The following NBEA variants were observed in gnomAD, a reference collection of about 807,000 sequenced individuals.
NBEA encodes lysosomal-trafficking regulator 2.
In NBEA, 44 loss-of-function variants were observed where a neutral mutation model predicts 343.4. That is an observed-to-expected ratio of 0.13 (90% CI 0.10 to 0.16). The LOEUF is 0.16. Ranked by LOEUF, NBEA falls within the 10% of genes least tolerant of loss-of-function variation. NBEA has a pLI of 1.00. For synonymous variants in NBEA, 1,175 were observed against 1,238.7 expected (o/e 0.95, Z 1.08); for missense variants, 2,555 against 3,631.3 (o/e 0.70, Z 7.62).
At chr13:35,160,361 A>G (rs918303112) in intron 22 of NBEA, among the ~76,000 whole-genome samples, 19 of 152,198 alleles carry the variant, frequency 1.2e-4, no homozygotes, top group African/African-American at 4.1e-4. Context: ...CTGTGACTAC[A>G]TTTACACATT....
At chr13:35,571,366 A>ATTC (rs1323070316) in intron 45 of NBEA, among the ~76,000 whole-genome samples, 1 of 152,210 alleles carries the variant, frequency 6.6e-6, no homozygotes, top group African/African-American at 2.4e-5. Context: ...ATTGGGAGAA[A>ATTC]AAGTCAAGAG....
At chr13:35,457,473 G>A (rs187842741) in intron 40 of NBEA, among the ~76,000 whole-genome samples, 11 of 152,132 alleles carry the variant, frequency 7.2e-5, no homozygotes, top group South Asian at 2.1e-4. Context: ...CTGGACAACC[G>A]CTAATCTACT....
At chr13:35,010,741 AATATATATATATATATAT>A (rs869140392) in intron 1 of NBEA, among the ~76,000 whole-genome samples, 1 of 31,966 alleles carries the variant, frequency 3.1e-5, no homozygotes, top group Non-Finnish European at 6.1e-5. Flanking sequence ...AAAAAAAAAA[AATATATATATATATATAT>A]ATATATATAT....
intron 38 of NBEA, among the ~76,000 whole-genome samples, chr13:35,397,126 C>T (rs1437503931): frequency 6.6e-6 from 1 of 152,176 alleles, no homozygotes; most frequent in Admixed American, 6.5e-5. Context: ...CCTTCAAAGA[C>T]TCCTTCAAGA....
intron 36 of NBEA, among the ~76,000 whole-genome samples, chr13:35,310,088 C>A (rs1447211799): frequency 6.6e-6 from 1 of 151,440 alleles, no homozygotes; most frequent in Non-Finnish European, 1.5e-5. Context: ...TTTTCTTTAA[C>A]AAAATTTTTA....
intron 41 of NBEA, among the ~76,000 whole-genome samples, chr13:35,510,551 G>A (rs1300010661): frequency 1.3e-5 from 2 of 152,082 alleles, no homozygotes; most frequent in Non-Finnish European, 2.9e-5. Context: ...GATAGTTCTT[G>A]CACCAGATTT....
chr13:35,404,859 A>C (rs1410443711), intron 38 of NBEA, among the ~76,000 whole-genome samples: 1 of 152,164 alleles, frequency 6.6e-6, no homozygotes, highest in Non-Finnish European at 1.5e-5. Flanking sequence ...TAAATATTAG[A>C]AACATAGCAA....
At chr13:35,328,624 A>ATG (rs1287579883) in intron 36 of NBEA, among the ~76,000 whole-genome samples, 1 of 151,950 alleles carries the variant, frequency 6.6e-6, no homozygotes, top group Non-Finnish European at 1.5e-5. Context: ...AAATATATAT[A>ATG]CCAACTATAT....
At chr13:35,221,126 A>C (rs527821490) in intron 33 of NBEA, among the ~76,000 whole-genome samples, 5 of 152,186 alleles carry the variant, frequency 3.3e-5, no homozygotes, top group Admixed American at 1.3e-4. Flanking sequence ...TGGGCAGATC[A>C]CAAGGTCAGG....
At chr13:35,089,321 A>T (rs2064943970) in intron 10 of NBEA, among the ~76,000 whole-genome samples, 1 of 150,792 alleles carries the variant, frequency 6.6e-6, no homozygotes, top group African/African-American at 2.4e-5. Context: ...GCTCATCATC[A>T]CTGGCCATCA....
chr13:34,998,307 A>G (rs1429543479), intron 1 of NBEA, among the ~76,000 whole-genome samples: 1 of 152,320 alleles, frequency 6.6e-6, no homozygotes, highest in East Asian at 1.9e-4. Flanking sequence ...TCACAGGACC[A>G]CAGGACTGGG....
At chr13:35,234,634 A>G (rs1185753529) in intron 34 of NBEA, among the ~76,000 whole-genome samples, 1 of 152,176 alleles carries the variant, frequency 6.6e-6, no homozygotes, top group African/African-American at 2.4e-5. Context: ...TCAGTGAGGT[A>G]GTTGTGTATA....
At chr13:35,182,692 A>G (rs937938843) in intron 29 of NBEA, among the ~76,000 whole-genome samples, 164 bp downstream of exon 29, 5 of 151,924 alleles carry the variant, frequency 3.3e-5, no homozygotes, top group African/African-American at 7.2e-5. Context: ...ACAAAAATGT[A>G]TGAATGGTAT....
At chr13:35,623,619 ATAAC>A (rs1202185729) in intron 48 of NBEA, among the ~76,000 whole-genome samples, 3 of 152,144 alleles carry the variant, frequency 2.0e-5, no homozygotes, top group African/African-American at 7.2e-5. Flanking sequence ...AATAGGGTAA[ATAAC>A]TATAGACATA....
chr13:35,041,219 ACTTCT>A (rs2062635827), intron 2 of NBEA, 55 bp downstream of exon 2: 29 of 1,328,194 alleles, frequency 2.2e-5, no homozygotes, highest in Non-Finnish European at 3.0e-5. Context: ...AGTTTCACAT[ACTTCT>A]CTTTATATTC....
intron 13 of NBEA, among the ~76,000 whole-genome samples, chr13:35,113,737 G>C (rs1486875974): frequency 1.3e-5 from 2 of 152,064 alleles, no homozygotes; most frequent in Non-Finnish European, 2.9e-5. Flanking sequence ...TTAGGCTTAC[G>C]GAGCCATAAG....
intron 1 of NBEA, among the ~76,000 whole-genome samples, chr13:34,963,133 G>A (rs2059710847): frequency 6.6e-6 from 1 of 151,940 alleles, no homozygotes; most frequent in Non-Finnish European, 1.5e-5. Flanking sequence ...TCTTGGGTTT[G>A]GCTGGTGTAT....
chr13:35,599,472 C>T (rs1395068546), intron 47 of NBEA, among the ~76,000 whole-genome samples: 1 of 152,174 alleles, frequency 6.6e-6, no homozygotes, highest in Admixed American at 6.5e-5. Context: ...TGTCTTGTGC[C>T]TCATCTGAGA....
intron 33 of NBEA, among the ~76,000 whole-genome samples, chr13:35,230,477 TAAAA>T: frequency 6.6e-6 from 1 of 152,092 alleles, no homozygotes; most frequent in East Asian, 1.9e-4. Flanking sequence ...TAATCTTAAA[TAAAA>T]ATAATCATAC....
Sources: allele counts gnomAD v4.1 joint callset (sites outside exome capture counted in the v4.1 genomes callset), GRCh38; gene constraint gnomAD v4.1.1; transcripts MANE v1.5; gene names NCBI Gene and HGNC (gene_info 2026-07-23, HGNC 2026-07-21).